TENM3: variants seen among roughly 807,000 people sequenced by gnomAD.
The protein encoded by TENM3 is teneurin-3.
In TENM3, 63 loss-of-function variants were observed where a neutral mutation model predicts 255.1. The ratio of observed to expected loss-of-function variants is 0.25; its 90% confidence interval spans 0.20 to 0.30. TENM3 has a LOEUF of 0.30. Among genes scored for constraint, TENM3 ranks in the 10% least tolerant of loss-of-function variants. The pLI is 1.00. For synonymous variants in TENM3, 1,306 were observed against 1,322.3 expected (o/e 0.99, Z 0.27); for missense variants, 2,929 against 3,461.1 (o/e 0.85, Z 3.86).
the TENM3 span, among the ~76,000 whole-genome samples, chr4:181,479,108 T>A: frequency 6.6e-6 from 1 of 152,194 alleles, no homozygotes; most frequent in Non-Finnish European, 1.5e-5. Context: ...TTAATGCACT[T>A]TGCTAAAGTC....
At chr4:182,739,532 T>G (rs778481408) in intron 18 of TENM3, among the ~76,000 whole-genome samples, 6 of 152,198 alleles carry the variant, frequency 3.9e-5, no homozygotes, top group Non-Finnish European at 5.9e-5. Context: ...AACTCTTGAC[T>G]TTGCAGAGGT....
At chr4:182,653,706 CT>C in intron 5 of TENM3, 64 bp from the exon 6 acceptor site, 1 of 1,508,466 alleles carries the variant, frequency 6.6e-7, no homozygotes, top group South Asian at 1.3e-5. Context: ...TTTAAACATG[CT>C]TAGCAATTGC....
intron 3 of TENM3, among the ~76,000 whole-genome samples, chr4:182,574,328 T>A (rs560045068): frequency 4.6e-5 from 7 of 152,242 alleles, no homozygotes; most frequent in Admixed American, 3.3e-4. Context: ...TAATTTATTC[T>A]CCTCTTTATT....
chr4:181,636,192 C>T, the TENM3 span, among the ~76,000 whole-genome samples: 7 of 152,030 alleles, frequency 4.6e-5, no homozygotes, highest in Admixed American at 2.0e-4. Context: ...ACTACAGGTG[C>T]GTGCCACCAC....
At chr4:182,088,715 TCCCAGCTACTCAG>T in the TENM3 span, among the ~76,000 whole-genome samples, 3 of 151,868 alleles carry the variant, frequency 2.0e-5, no homozygotes, top group Non-Finnish European at 4.4e-5. Context: ...GCGCCTGTAG[TCCCAGCTACTCAG>T]GAGGCTGAGG....
At chr4:182,467,197 G>A (rs565473881) in intron 3 of TENM3, among the ~76,000 whole-genome samples, 2 of 152,116 alleles carry the variant, frequency 1.3e-5, no homozygotes, top group African/African-American at 4.8e-5. Context: ...GCATCTTAGA[G>A]TATCCTAGTC....
chr4:182,582,326 T>A (rs896830625), intron 3 of TENM3, among the ~76,000 whole-genome samples: 1 of 152,174 alleles, frequency 6.6e-6, no homozygotes, highest in African/African-American at 2.4e-5. Context: ...AGCTTTGGGG[T>A]CATACTCTGT....
intron 3 of TENM3, among the ~76,000 whole-genome samples, chr4:182,410,466 G>A (rs1207548495): frequency 6.6e-6 from 1 of 152,222 alleles, no homozygotes; most frequent in Non-Finnish European, 1.5e-5. Flanking sequence ...GAGGCTCACA[G>A]TATTTCTCTT....
At chr4:182,553,878 C>T (rs1742323678) in intron 3 of TENM3, among the ~76,000 whole-genome samples, 1 of 152,134 alleles carries the variant, frequency 6.6e-6, no homozygotes, top group South Asian at 2.1e-4. Flanking sequence ...TTTCTCAAAG[C>T]ACAAGACCCC....
intron 3 of TENM3, among the ~76,000 whole-genome samples, chr4:182,560,508 C>T (rs1183542729): frequency 6.6e-6 from 1 of 152,208 alleles, no homozygotes; most frequent in Non-Finnish European, 1.5e-5. Context: ...AATGCAGTCA[C>T]TCTGCTAGGG....
intron 3 of TENM3, among the ~76,000 whole-genome samples, chr4:182,380,571 G>A (rs1767496100): frequency 1.3e-5 from 2 of 152,132 alleles, no homozygotes; most frequent in Admixed American, 1.3e-4. Flanking sequence ...AAATTATGCT[G>A]GCTTATAGCA....
the TENM3 span, among the ~76,000 whole-genome samples, chr4:181,566,447 T>C: frequency 2.6e-5 from 4 of 152,322 alleles, no homozygotes; most frequent in East Asian, 1.9e-4. Flanking sequence ...GCTTCTATTC[T>C]GCTTGATTGA....
chr4:182,775,318 G>A (rs190646683), intron 24 of TENM3, among the ~76,000 whole-genome samples, 165 bp downstream of exon 24: 1 of 152,304 alleles, frequency 6.6e-6, no homozygotes, highest in East Asian at 1.9e-4. Context: ...GGCAGGTGCA[G>A]CTGGGGAGGC....
chr4:181,651,834 C>T, the TENM3 span, among the ~76,000 whole-genome samples: 10 of 152,188 alleles, frequency 6.6e-5, no homozygotes, highest in African/African-American at 2.2e-4. Flanking sequence ...TCAGATAAAA[C>T]ATCCGTTCAA....
intron 1 of TENM3, among the ~76,000 whole-genome samples, chr4:182,287,483 C>T (rs1760806210): frequency 1.3e-5 from 2 of 152,292 alleles, no homozygotes; most frequent in African/African-American, 4.8e-5. Flanking sequence ...GGAATGAATC[C>T]GTTTGTCGGT....
chr4:182,561,120 G>A (rs1326636462), intron 3 of TENM3, among the ~76,000 whole-genome samples: 1 of 151,650 alleles, frequency 6.6e-6, no homozygotes. Context: ...AACCAAAGAG[G>A]ATTTAATAAT....
chr4:182,674,870 CTATTT>C (rs919094327), intron 7 of TENM3, among the ~76,000 whole-genome samples: 3 of 151,400 alleles, frequency 2.0e-5, no homozygotes, highest in African/African-American at 7.3e-5. Context: ...CGCGTCTGGG[CTATTT>C]TATTTTATTT....
intron 4 of TENM3, among the ~76,000 whole-genome samples, chr4:182,615,585 C>G (rs1749426889): frequency 6.6e-6 from 1 of 151,940 alleles, no homozygotes; most frequent in African/African-American, 2.4e-5. Flanking sequence ...GCTGGTATCT[C>G]ATTTGGAGAT....
chr4:182,084,853 C>T, the TENM3 span: 1 of 152,132 alleles, frequency 6.6e-6, no homozygotes, highest in African/African-American at 2.4e-5. Context: ...ATCTAACTTA[C>T]CTCACAAGGT....
Sources: gnomAD v4.1 joint callset for allele counts (sites outside exome capture counted in the v4.1 genomes callset) on GRCh38, gnomAD v4.1.1 for gene constraint, MANE v1.5 for transcripts, NCBI Gene and HGNC (gene_info 2026-07-23, HGNC 2026-07-21) for gene names.